BMPR1B: variants seen among roughly 807,000 people sequenced by gnomAD.
The protein encoded by BMPR1B is bone morphogenetic protein receptor type 1B.
A neutral mutation model predicts 59.1 loss-of-function variants in BMPR1B; 12 were observed. The ratio of observed to expected loss-of-function variants is 0.20; its 90% confidence interval spans 0.13 to 0.33. The LOEUF is 0.33. Ranked by LOEUF, BMPR1B falls within the 10% of genes least tolerant of loss-of-function variation. The pLI is 1.00. For missense variants in BMPR1B, 550 were observed against 610.9 expected, an observed-to-expected ratio of 0.90 and a Z score of 1.05; for synonymous variants, 237 against 207.3, an observed-to-expected ratio of 1.14 and a Z score of -1.23.
At chr4:95,043,930 GTCT>G (rs1725853921) in intron 3 of BMPR1B, among the ~76,000 whole-genome samples, 1 of 152,180 alleles carries the variant, frequency 6.6e-6, no homozygotes, top group African/African-American at 2.4e-5. Context: ...TTGTTGACTT[GTCT>G]TCAGTTTATT....
intron 3 of BMPR1B, among the ~76,000 whole-genome samples, chr4:95,094,128 AG>A (rs1730199434): frequency 6.6e-6 from 1 of 152,168 alleles, no homozygotes; most frequent in East Asian, 1.9e-4. Context: ...TTGTCTTACA[AG>A]CAAGATTGTT....
chr4:94,977,517 A>C (rs1255027015), intron 2 of BMPR1B, among the ~76,000 whole-genome samples: 5 of 145,620 alleles, frequency 3.4e-5, no homozygotes, highest in Non-Finnish European at 1.5e-5. Flanking sequence ...AATTTTGCTG[A>C]ATTTGAAGTT....
intron 3 of BMPR1B, among the ~76,000 whole-genome samples, chr4:95,055,307 C>A (rs1017314434): frequency 2.6e-5 from 4 of 151,834 alleles, no homozygotes; most frequent in South Asian, 2.1e-4. Flanking sequence ...ATAATCAGGG[C>A]AAATAGGGAA....
rs10023621 is a variant in BMPR1B at position 94,766,088 on chromosome 4, C to T, written c.-183+8020C>T. On this transcript the variant is annotated intron_variant, in intron 1 of 12. Coordinates refer to ENST00000515059, the MANE Select transcript of BMPR1B (RefSeq NM_001203.3). ...GTGATAGGTACATAGTAAACACAAG[C>T]GTTTGATAAGCAAGTAAATAATGAA... Among the ~76,000 whole-genome samples the T allele has an allele frequency of 7.6e-3, 1,163 of 152,154 alleles. 16 individuals carry two copies. The highest frequency in any genetic ancestry group is 0.027 in the African/African-American group (1,117 of 41,514).
chr4:95,039,334 G>A (rs543592197), intron 3 of BMPR1B, among the ~76,000 whole-genome samples: 4 of 151,626 alleles, frequency 2.6e-5, no homozygotes, highest in Admixed American at 2.0e-4. Flanking sequence ...TAAAGTTTAG[G>A]TTTCACTAAA....
At chr4:94,989,193 A>G (rs1265326869) in intron 2 of BMPR1B, among the ~76,000 whole-genome samples, 1 of 152,008 alleles carries the variant, frequency 6.6e-6, no homozygotes, top group East Asian at 1.9e-4. Flanking sequence ...GATCGAGACC[A>G]TCCTGGCCAA....
chr4:94,770,888 CAAAAA>C (rs11292596), intron 1 of BMPR1B, among the ~76,000 whole-genome samples: 5 of 88,264 alleles, frequency 5.7e-5, no homozygotes, highest in Admixed American at 1.3e-4. Flanking sequence ...ATTAGCCCTG[CAAAAA>C]AAAAAAAAAA....
Position 94,796,537 on chromosome 4 carries a change from ATTTTT to A in BMPR1B, c.-183+38477_-183+38481del, listed in dbSNP as rs374479312. ...TTAAACCTTTGAAAAGAGGTTCTTA[ATTTTT>A]TTTTTTTAAGTTTGAAGTTGAGTCA... On this transcript the variant is annotated intron_variant, in intron 1 of 12. Transcript: ENST00000515059. Among the ~76,000 whole-genome samples, 15 of 148,490 alleles carry A rather than the reference ATTTTT, an allele frequency of 1.0e-4. No individual in the cohort carries two copies. The South Asian group carries it at 1.9e-3, about 19-fold the overall frequency.
chr4:95,141,469 G>A (rs1373091280), intron 10 of BMPR1B, among the ~76,000 whole-genome samples: 1 of 152,108 alleles, frequency 6.6e-6, no homozygotes, highest in Non-Finnish European at 1.5e-5. Context: ...CCACAGAGAG[G>A]GAGCAGACTG....
chr4:95,120,607 G>GTCTTT (rs1560669151), intron 6 of BMPR1B, among the ~76,000 whole-genome samples: 9 of 57,340 alleles, frequency 1.6e-4, no homozygotes, highest in East Asian at 8.3e-4. Context: ...TCAATAGCCT[G>GTCTTT]CCTTTCCTTC....
At chr4:95,025,793 T>A (rs527699658) in intron 3 of BMPR1B, among the ~76,000 whole-genome samples, 1 of 152,328 alleles carries the variant, frequency 6.6e-6, no homozygotes, top group South Asian at 2.1e-4. Context: ...GACCAAAGTC[T>A]TAGTTCACTA....
chr4:94,839,975 A>C (rs572940326), intron 1 of BMPR1B, among the ~76,000 whole-genome samples: 1 of 150,000 alleles, frequency 6.7e-6, no homozygotes, highest in Admixed American at 6.6e-5. Context: ...AAAATCTCTC[A>C]GCATTTGCTT....
At chr4:94,835,169 G>A (rs1182425908) in intron 1 of BMPR1B, among the ~76,000 whole-genome samples, 1 of 151,858 alleles carries the variant, frequency 6.6e-6, no homozygotes, top group Non-Finnish European at 1.5e-5. Flanking sequence ...TATCTTTACA[G>A]CAATTTAAAA....
intron 3 of BMPR1B, among the ~76,000 whole-genome samples, chr4:95,075,895 A>G (rs1728671066): frequency 6.6e-6 from 1 of 151,982 alleles, no homozygotes; most frequent in East Asian, 1.9e-4. Flanking sequence ...CCTGATGTCC[A>G]TTCTTTTTTT....
At chr4:94,866,815 C>A (rs1469100873) in intron 1 of BMPR1B, among the ~76,000 whole-genome samples, 1 of 152,156 alleles carries the variant, frequency 6.6e-6, no homozygotes, top group Non-Finnish European at 1.5e-5. Flanking sequence ...ATCTCCTCAC[C>A]TCATGATCCG....
intron 4 of BMPR1B, among the ~76,000 whole-genome samples, chr4:95,110,623 C>A (rs1376086082): frequency 1.3e-5 from 2 of 152,164 alleles, no homozygotes; most frequent in Non-Finnish European, 2.9e-5. Flanking sequence ...TTAATAATTA[C>A]CACACTCAGC....
intron 3 of BMPR1B, among the ~76,000 whole-genome samples, chr4:95,046,669 T>C (rs1726082092): frequency 1.3e-5 from 2 of 152,210 alleles, no homozygotes; most frequent in African/African-American, 2.4e-5. Flanking sequence ...ATATTAGTAG[T>C]ACTCTCCATA....
At position 94,885,698 on chromosome 4, in the gene BMPR1B, A is replaced by G. The variant is rs28626130; in HGVS notation, c.-113+9798A>G. Reference sequence around the variant, plus strand: ...CAGAACAAATATTTTGAAAAAAATCATCTAGGATTTAAAAATATATGTAAT... The same window carrying G: ...CAGAACAAATATTTTGAAAAAAATCGTCTAGGATTTAAAAATATATGTAAT... On this transcript the variant is annotated intron_variant, in intron 2 of 12. Coordinates refer to ENST00000515059, the MANE Select transcript of BMPR1B (RefSeq NM_001203.3). Among the ~76,000 whole-genome samples, 1,178 of 152,318 alleles carry G rather than the reference A, an allele frequency of 7.7e-3. 18 individuals carry two copies. Among genetic ancestry groups the G allele is most frequent in the African/African-American group, 0.027 (1,129 of 41,582 alleles).
chr4:95,103,722 A>G (rs1359029303), intron 3 of BMPR1B, among the ~76,000 whole-genome samples: 12 of 152,090 alleles, frequency 7.9e-5, no homozygotes, highest in Admixed American at 7.9e-4. Flanking sequence ...GATCATGTCT[A>G]CCATGGTGCC....
Sources: allele counts gnomAD v4.1 joint callset (sites outside exome capture counted in the v4.1 genomes callset), GRCh38; gene constraint gnomAD v4.1.1; transcripts MANE v1.5; gene names NCBI Gene and HGNC (gene_info 2026-07-23, HGNC 2026-07-21).